RAD50: variants seen among roughly 807,000 people sequenced by gnomAD.
RAD50 encodes DNA repair protein RAD50.
RAD50 carries 132 observed loss-of-function variants against 168.8 expected under a neutral mutation model. That is an observed-to-expected ratio of 0.78 (90% CI 0.68 to 0.90). The LOEUF is 0.90. Among genes scored for constraint, RAD50 ranks in the 40% least tolerant of loss-of-function variants. The pLI, the probability that RAD50 is intolerant of heterozygous loss-of-function variation, is 0.00. For synonymous variants in RAD50, 525 were observed against 497.4 expected (o/e 1.06, Z -0.74); for missense variants, 1,347 against 1,534.4 (o/e 0.88, Z 2.04).
At chr5:132,577,907 C>T (rs533520877) in intron 3 of RAD50, among the ~76,000 whole-genome samples, 6 of 150,668 alleles carry the variant, frequency 4.0e-5, no homozygotes, top group African/African-American at 9.8e-5. Flanking sequence ...CTCCGCCTCC[C>T]GGGTTTAAGC....
chr5:132,606,176 A>G (rs894031748), intron 16 of RAD50, among the ~76,000 whole-genome samples: 20 of 152,324 alleles, frequency 1.3e-4, no homozygotes, highest in Admixed American at 4.6e-4. Context: ...AAAAAAATCA[A>G]TGAATCCAGG....
intron 19 of RAD50, among the ~76,000 whole-genome samples, chr5:132,611,160 G>A (rs1399459390): frequency 6.6e-6 from 1 of 152,108 alleles, no homozygotes; most frequent in Non-Finnish European, 1.5e-5. Context: ...GGAGGCCAAG[G>A]CAGACGGATC....
At chr5:132,606,394 A>C (rs1381586659) in intron 16 of RAD50, among the ~76,000 whole-genome samples, 1 of 152,210 alleles carries the variant, frequency 6.6e-6, no homozygotes, top group African/African-American at 2.4e-5. Flanking sequence ...TCGTGGATAC[A>C]TACACCCTCC....
intron 9 of RAD50, 47 bp from the exon 10 acceptor site, chr5:132,591,177 T>G: frequency 6.6e-7 from 1 of 1,524,128 alleles, no homozygotes; most frequent in South Asian, 1.1e-5. Flanking sequence ...TTTTAATTCT[T>G]GCACAAAATA....
At chr5:132,582,414 T>C (rs1189066328) in intron 5 of RAD50, among the ~76,000 whole-genome samples, 1 of 151,548 alleles carries the variant, frequency 6.6e-6, no homozygotes, top group African/African-American at 2.4e-5. Context: ...TCCTTTTTTT[T>C]AGCTCTGACA....
At position 132,557,135 on chromosome 5, in the gene RAD50, T is replaced by A. The variant is rs938308333; in HGVS notation, c.-190T>A. On this transcript the variant is annotated 5_prime_UTR_variant, in exon 1 of 25. Transcript: ENST00000378823. ...AAGCAGCTGGTGTGGGAGGAAAGGCTCCATCCCCCGCCCCCTCTCTCCCGC... is the reference window on the plus strand; with the variant it reads ...AAGCAGCTGGTGTGGGAGGAAAGGCACCATCCCCCGCCCCCTCTCTCCCGC... 1.2e-6 allele frequency: 1 copy of A among 803,650 alleles called. No homozygotes were observed. The highest frequency in any genetic ancestry group is 1.7e-5 in the African/African-American group (1 of 58,920). 49.8% of individuals were successfully genotyped at this position (803,650 alleles called of 1,614,324 possible). A position where few individuals can be genotyped will look rare whatever the true frequency, so the allele number is the denominator to read the frequency against.
intron 24 of RAD50, chr5:132,641,870 A>G (rs1247856693): frequency 1.5e-5 from 5 of 328,734 alleles, no homozygotes; most frequent in Non-Finnish European, 2.2e-5. Context: ...GGAAAACTCA[A>G]TAAAATATTT....
chr5:132,559,301 A>G lies in RAD50; in HGVS notation c.147A>G (p.Leu49=), dbSNP rs1457136759. The G allele has an allele frequency of 1.2e-6, 2 of 1,606,328 alleles. No individual in the cohort carries two copies. The highest frequency in any genetic ancestry group is 1.7e-6 in the Non-Finnish European group (2 of 1,176,418). Residue 49 remains leucine (L), a synonymous_variant, in exon 2 of 25, where the codon CTA becomes CTG. Coordinates refer to ENST00000378823, the MANE Select transcript of RAD50 (RefSeq NM_005732.4). ...TTCTTTAGACCATCATTGAATGTCT[A>G]AAATATATTTGTACTGGAGATTTCC... ...GAGKTTIIEC[L]KYICTGDFPP... is the part of the protein sequence containing the mutation.
chr5:132,631,011 T>C (rs1349189489), intron 21 of RAD50: 1 of 152,196 alleles, frequency 6.6e-6, no homozygotes, highest in Non-Finnish European at 1.5e-5. Flanking sequence ...ATGCAATCGA[T>C]TGTTACTGAA....
intron 1 of RAD50, among the ~76,000 whole-genome samples, chr5:132,558,944 G>A (rs1277300451): frequency 6.6e-6 from 1 of 152,022 alleles, no homozygotes; most frequent in African/African-American, 2.4e-5. Flanking sequence ...GTTAATGTGA[G>A]AATTAAATAA....
chr5:132,610,647 T>C (rs904467627), intron 19 of RAD50, among the ~76,000 whole-genome samples: 5 of 152,192 alleles, frequency 3.3e-5, no homozygotes, highest in Admixed American at 6.5e-5. Context: ...CCACCAAGAA[T>C]TTCAAATATA....
rs1417545976 is a variant in RAD50, at chr5:132,643,638, C to CTGTT, written c.*1275_*1278dup. 3 of 178,042 alleles carry CTGTT rather than the reference C, an allele frequency of 1.7e-5. No individual in the cohort carries two copies. The highest frequency in any genetic ancestry group is 3.4e-5 in the Non-Finnish European group (3 of 89,230). 11.0% of individuals were successfully genotyped at this position (178,042 alleles called of 1,614,324 possible). ...AGGTCCTGATTTCTAGAACCCGTGA[C>CTGTT]TGTTACTTTATACAGCAAAGGAAAC... On this transcript the variant is annotated 3_prime_UTR_variant, in exon 25 of 25. Coordinates refer to ENST00000378823, the MANE Select transcript of RAD50 (RefSeq NM_005732.4).
At chr5:132,596,120 A>G (rs1367384146) in intron 13 of RAD50, among the ~76,000 whole-genome samples, 1 of 151,836 alleles carries the variant, frequency 6.6e-6, no homozygotes, top group East Asian at 1.9e-4. Flanking sequence ...CAGCCTCTTC[A>G]GTAGCTGGGA....
In RAD50 at chr5:132,588,069, C is replaced by A; in HGVS notation, c.1031C>A (p.Ser344Ter). 2 of 1,612,530 alleles carry A rather than the reference C, an allele frequency of 1.2e-6. No homozygotes were observed. Among genetic ancestry groups the A allele is most frequent in the Non-Finnish European group, 1.7e-6 (2 of 1,178,804 alleles). Residue 344 changes from serine to a stop codon, truncating the protein, a stop_gained, in exon 7 of 25, where the codon TCA becomes TAA. Coordinates refer to ENST00000378823, the MANE Select transcript of RAD50 (RefSeq NM_005732.4). LOFTEE classifies it high-confidence loss of function. ...TCTAGGCTTCTCAATCAGGAAAAAT[C>A]AGAACTGCTTGTTGAACAGGGTAGG... ...KESRLLNQEK[S>*]ELLVEQGRLQ...
intron 1 of RAD50, 66 bp downstream of exon 1, chr5:132,557,519 T>C (rs1038268378): frequency 2.5e-6 from 4 of 1,597,666 alleles, no homozygotes; most frequent in South Asian, 1.1e-5. Context: ...AAATGGGAAG[T>C]TGAGAACTCT....
At chr5:132,566,329 C>A (rs887771055) in intron 2 of RAD50, among the ~76,000 whole-genome samples, 2 of 152,200 alleles carry the variant, frequency 1.3e-5, no homozygotes, top group African/African-American at 4.8e-5. Context: ...CTCAGGAACA[C>A]TGTAAACAAA....
intron 13 of RAD50, among the ~76,000 whole-genome samples, chr5:132,599,795 C>T (rs1032028213): frequency 1.3e-5 from 2 of 151,838 alleles, no homozygotes; most frequent in Admixed American, 1.3e-4. Context: ...CTTCAAATTC[C>T]AACTCTGCTG....
intron 4 of RAD50, 85 bp from the exon 5 acceptor site, chr5:132,579,777 T>C (rs1750470775): frequency 1.7e-6 from 2 of 1,178,564 alleles, no homozygotes; most frequent in African/African-American, 1.5e-5. Context: ...ACTGTAATCT[T>C]AGTGACAGCA....
In RAD50 at chr5:132,595,429, A is replaced by T. The variant is rs562059968; in HGVS notation, c.1970-144A>T. 19 of 528,800 alleles carry T rather than the reference A, an allele frequency of 3.6e-5. No homozygotes were observed. In the Admixed American group the frequency reaches 6.7e-4, roughly 19 times the overall value. The allele number at this position is 528,800 out of a possible 1,614,324, so 32.8% of individuals were successfully genotyped here. On this transcript the variant is annotated intron_variant, in intron 12 of 24. Transcript: ENST00000378823. ...CTTTGGAAGCGAATATCGGAATTTT[A>T]AATATCAGAATTTTTATTTCTTTTA...
Sources: gnomAD v4.1 joint callset for allele counts (sites outside exome capture counted in the v4.1 genomes callset) on GRCh38, gnomAD v4.1.1 for gene constraint, MANE v1.5 for transcripts, NCBI Gene and HGNC (gene_info 2026-07-23, HGNC 2026-07-21) for gene names.